Variants in MSRB3 observed in about 807,000 individuals in gnomAD.
MSRB3 encodes methionine sulfoxide reductase B3.
In MSRB3, 13 loss-of-function variants were observed where a neutral mutation model predicts 21.0. The ratio of observed to expected loss-of-function variants is 0.62; its 90% confidence interval spans 0.40 to 0.98. The LOEUF (loss-of-function observed/expected upper bound fraction) is 0.98, where lower values mean the gene tolerates loss of function less well. Among genes scored for constraint, MSRB3 ranks in the 50% least tolerant of loss-of-function variants. The pLI is 0.00. For synonymous variants in MSRB3, 87 were observed against 88.6 expected (o/e 0.98, Z 0.10); for missense variants, 199 against 230.3 (o/e 0.86, Z 0.88).
chr12:65,427,333 C>T (rs1440524663), intron 5 of MSRB3, among the ~76,000 whole-genome samples: 1 of 152,140 alleles, frequency 6.6e-6, no homozygotes, highest in South Asian at 2.1e-4. Context: ...TGCAGTGATA[C>T]TCAGCAGCTG....
At chr12:65,416,216 G>A (rs1048683221) in intron 5 of MSRB3, among the ~76,000 whole-genome samples, 2 of 152,154 alleles carry the variant, frequency 1.3e-5, no homozygotes, top group African/African-American at 4.8e-5. Flanking sequence ...AACACCTGGG[G>A]AAATGTTCCC....
chr12:65,384,770 A>G (rs1240972226), intron 5 of MSRB3, among the ~76,000 whole-genome samples: 1 of 152,146 alleles, frequency 6.6e-6, no homozygotes, highest in East Asian at 1.9e-4. Flanking sequence ...TACTAGGTTT[A>G]ACATAAAAGA....
At chr12:65,421,329 A>G (rs1881283428) in intron 5 of MSRB3, among the ~76,000 whole-genome samples, 1 of 151,574 alleles carries the variant, frequency 6.6e-6, no homozygotes, top group Non-Finnish European at 1.5e-5. Flanking sequence ...TTTCTTGTAC[A>G]TTTGTTTAAG....
chr12:65,338,366 A>T (rs539847565), intron 4 of MSRB3, among the ~76,000 whole-genome samples: 132 of 152,340 alleles, frequency 8.7e-4, no homozygotes, highest in Non-Finnish European at 1.6e-3. Flanking sequence ...ATGTAGTTAA[A>T]TAATTGGGAA....
chr12:65,414,382 G>A (rs920646152), intron 5 of MSRB3, among the ~76,000 whole-genome samples: 1 of 152,150 alleles, frequency 6.6e-6, no homozygotes, highest in Non-Finnish European at 1.5e-5. Flanking sequence ...TTCAGTCAAT[G>A]ACTGGACCAC....
At chr12:65,411,213 C>T (rs757762538) in intron 5 of MSRB3, among the ~76,000 whole-genome samples, 7 of 152,208 alleles carry the variant, frequency 4.6e-5, no homozygotes, top group East Asian at 1.9e-4. Flanking sequence ...AGTGAATAAA[C>T]GGGTGTTTCC....
chr12:65,406,909 T>G (rs762027143), intron 5 of MSRB3, among the ~76,000 whole-genome samples: 1 of 152,194 alleles, frequency 6.6e-6, no homozygotes, highest in Non-Finnish European at 1.5e-5. Context: ...AGGCACTATC[T>G]TGGAAGCAGA....
At chr12:65,305,900 C>T (rs974880527) in intron 1 of MSRB3, among the ~76,000 whole-genome samples, 1 of 152,148 alleles carries the variant, frequency 6.6e-6, no homozygotes, top group Non-Finnish European at 1.5e-5. Flanking sequence ...TTTTCTAATT[C>T]ATGCATTTAA....
chr12:65,461,012 G>T (rs571837281), intron 6 of MSRB3, among the ~76,000 whole-genome samples: 2 of 152,236 alleles, frequency 1.3e-5, no homozygotes, highest in East Asian at 3.9e-4. Context: ...ATGCTCAAGA[G>T]ATTATTAGCA....
At chr12:65,317,300 A>G (rs1874363134) in intron 2 of MSRB3, among the ~76,000 whole-genome samples, 1 of 152,182 alleles carries the variant, frequency 6.6e-6, no homozygotes, top group African/African-American at 2.4e-5. Context: ...TGCTTTTACC[A>G]TTTTACCATC....
chr12:65,455,280 C>G (rs892596206), intron 6 of MSRB3, among the ~76,000 whole-genome samples: 1 of 151,434 alleles, frequency 6.6e-6, no homozygotes. Context: ...AGTCTCCTGT[C>G]CTTCAAGTGT....
chr12:65,332,292 GGT>G (rs369716664), intron 4 of MSRB3, among the ~76,000 whole-genome samples: 6,306 of 150,048 alleles, frequency 0.042, 422 homozygotes, highest in African/African-American at 0.15. Context: ...AAACAATTGA[GGT>G]GTGTGTGTGT....
chr12:65,349,789 A>T (rs954749793), intron 4 of MSRB3, among the ~76,000 whole-genome samples: 2 of 151,268 alleles, frequency 1.3e-5, no homozygotes, highest in Non-Finnish European at 2.9e-5. Context: ...GTTTGAGTTC[A>T]TTGTAGATTC....
chr12:65,302,694 A>G (rs1342432931), intron 1 of MSRB3, among the ~76,000 whole-genome samples: 1 of 152,200 alleles, frequency 6.6e-6, no homozygotes, highest in Non-Finnish European at 1.5e-5. Flanking sequence ...ATTCCAGCCA[A>G]TGAGCTATGG....
rs566940678 is a variant in MSRB3 at position 65,354,335 on chromosome 12, C to G, written c.264-14663C>G. ...CTGCAGAGTGTTTTCCAACTTGGTTCCATTCTTCCCGTCACTTTCAGGTAC... is the reference window on the plus strand; with the variant it reads ...CTGCAGAGTGTTTTCCAACTTGGTTGCATTCTTCCCGTCACTTTCAGGTAC... On this transcript the variant is annotated intron_variant, in intron 4 of 6. Transcript: ENST00000308259. Among the ~76,000 whole-genome samples, 11 of 152,128 alleles carry G rather than the reference C, an allele frequency of 7.2e-5. No homozygotes were observed. In the South Asian group the frequency reaches 1.9e-3, roughly 26 times the overall value.
chr12:65,443,409 A>G (rs1025031476), intron 5 of MSRB3, among the ~76,000 whole-genome samples: 1 of 152,190 alleles, frequency 6.6e-6, no homozygotes, highest in African/African-American at 2.4e-5. Context: ...CAGGAAAAGT[A>G]AACATGATAA....
At position 65,331,961 on chromosome 12, in the gene MSRB3, C is replaced by T. The variant is rs556263382; in HGVS notation, c.263+3358C>T. The stretch of plus-strand genomic sequence containing the variant: ...CTAGAGGAGCTTGTTAAGCAAGCAT[C>T]CTGAAACCAGAAAGGAAAGGGCTTT... On this transcript the variant is annotated intron_variant, in intron 4 of 6. Transcript: ENST00000308259. Among the ~76,000 whole-genome samples, 35 of 152,262 alleles carry T rather than the reference C, an allele frequency of 2.3e-4. No individual in the cohort carries two copies. The South Asian group carries it at 6.8e-3, about 30-fold the overall frequency.
At chr12:65,322,891 C>T (rs571205428) in intron 2 of MSRB3, among the ~76,000 whole-genome samples, 84 of 152,030 alleles carry the variant, frequency 5.5e-4, no homozygotes, top group Non-Finnish European at 1.1e-3. Context: ...TAGACATGTG[C>T]CTGGCATGTA....
intron 1 of MSRB3, among the ~76,000 whole-genome samples, chr12:65,293,898 A>G (rs1471608602): frequency 1.3e-5 from 2 of 152,162 alleles, no homozygotes; most frequent in African/African-American, 4.8e-5. Flanking sequence ...CAGTGTGACA[A>G]AAGAGGAGAA....
Sources: gnomAD v4.1 joint callset for allele counts (sites outside exome capture counted in the v4.1 genomes callset) on GRCh38, gnomAD v4.1.1 for gene constraint, MANE v1.5 for transcripts, NCBI Gene and HGNC (gene_info 2026-07-23, HGNC 2026-07-21) for gene names.